Variants in CCND3 observed in about 807,000 individuals in gnomAD.
CCND3 encodes the protein cyclin D3.
A neutral mutation model predicts 28.7 loss-of-function variants in CCND3; 9 were observed. That is an observed-to-expected ratio of 0.31 (90% CI 0.19 to 0.55). CCND3 has a LOEUF of 0.55. Ranked by LOEUF, CCND3 falls within the 20% of genes least tolerant of loss-of-function variation. The pLI is 0.93. For synonymous variants in CCND3, 164 were observed against 163.9 expected, an observed-to-expected ratio of 1.00 and a Z score of 0.00; for missense variants, 315 against 385.8, an observed-to-expected ratio of 0.82 and a Z score of 1.54.
intron 1 of CCND3, among the ~76,000 whole-genome samples, chr6:41,996,122 T>TATAA: frequency 1.8e-5 from 1 of 55,420 alleles, no homozygotes; most frequent in East Asian, 4.8e-4. Flanking sequence ...TATATATATA[T>TATAA]AATATATATA....
chr6:42,014,330 T>C (rs1763432983), intron 1 of CCND3, among the ~76,000 whole-genome samples: 1 of 152,116 alleles, frequency 6.6e-6, no homozygotes, highest in Non-Finnish European at 1.5e-5. Context: ...ATGGCGCCAC[T>C]GCACTCCAGC....
At chr6:42,028,188 G>C (rs1763938085) in intron 1 of CCND3, among the ~76,000 whole-genome samples, 1 of 152,238 alleles carries the variant, frequency 6.6e-6, no homozygotes, top group Non-Finnish European at 1.5e-5. Context: ...CTAAGCATGG[G>C]AATACGGAGG....
intron 2 of CCND3, 128 bp from the exon 3 acceptor site, chr6:41,937,522 T>G (rs1775847098): frequency 8.8e-7 from 1 of 1,138,658 alleles, no homozygotes; most frequent in Non-Finnish European, 1.2e-6. Context: ...CAGTTCTGTT[T>G]CTGATTTTAA....
rs566777571 is a variant in CCND3, at chr6:42,043,222, CA to C, written c.-46+5278del. ...CAGCCTGGGCAACAGGGTGAAACTG[CA>C]AAACACTATCTCTACAAAAAACTAG... On this transcript the variant is annotated intron_variant, in intron 1 of 4. Coordinates refer to the CCND3 transcript ENST00000372988. Among the ~76,000 whole-genome samples the C allele has an allele frequency of 9.2e-4, 140 of 152,264 alleles. No individual in the cohort carries two copies. The South Asian group carries it at 0.012, about 13-fold the overall frequency.
At chr6:41,970,743 G>A (rs139633563) in intron 1 of CCND3, among the ~76,000 whole-genome samples, 2,038 of 152,310 alleles carry the variant, frequency 0.013, 28 homozygotes, top group Middle Eastern at 0.048. Flanking sequence ...AAAGTCGAAT[G>A]GGTGCCCAAC....
chr6:42,024,607 AGGCT>A (rs1390691140), intron 1 of CCND3, among the ~76,000 whole-genome samples: 3 of 152,038 alleles, frequency 2.0e-5, no homozygotes, highest in African/African-American at 7.2e-5. Context: ...TGACATTGCG[AGGCT>A]GGGGCCACTC....
chr6:41,937,365 G>A lies in CCND3; in HGVS notation c.444C>T (p.Leu148=). ...CAATCACAGCAGCCAGGTCCCACTTGAGCTTCCCTAGGACCAGCACCTCCC... is the reference window on the plus strand; with the variant it reads ...CAATCACAGCAGCCAGGTCCCACTTAAGCTTCCCTAGGACCAGCACCTCCC... ...RDWEVLVLGK[L]KWDLAAVIAH... is the part of the protein sequence containing the mutation. Residue 148 remains leucine (L), a synonymous_variant, in exon 3 of 5, where the codon CTC becomes CTT. Transcript: ENST00000372991. 3 of 1,614,128 alleles carry A rather than the reference G, an allele frequency of 1.9e-6. No homozygotes were observed. The highest frequency in any genetic ancestry group is 2.5e-6 in the Non-Finnish European group (3 of 1,180,020).
chr6:42,022,192 A>G lies in CCND3; in HGVS notation c.-46+26309T>C, dbSNP rs144703702. On this transcript the variant is annotated intron_variant, in intron 1 of 4. Transcript: ENST00000372988. ...AGAGATCCACGATCATCTTGCCAGG[A>G]AACAGTTCCAAGGATCCGAATCCAA... Among the ~76,000 whole-genome samples, 271 of 152,306 alleles carry G rather than the reference A, an allele frequency of 1.8e-3. 1 individual carries two copies. Among genetic ancestry groups the G allele is most frequent in the Non-Finnish European group, 3.1e-3 (209 of 68,024 alleles).
At chr6:42,025,057 C>CA (rs780264391) in intron 1 of CCND3, among the ~76,000 whole-genome samples, 2 of 151,980 alleles carry the variant, frequency 1.3e-5, no homozygotes, top group East Asian at 1.9e-4. Flanking sequence ...GACTCCATCT[C>CA]AAAAAATAAA....
At chr6:41,996,419 G>C (rs1483460855) in intron 1 of CCND3, among the ~76,000 whole-genome samples, 1 of 151,564 alleles carries the variant, frequency 6.6e-6, no homozygotes, top group Non-Finnish European at 1.5e-5. Flanking sequence ...CAAAGTGCTG[G>C]GATTACAGGT....
chr6:41,993,084 G>T (rs1234805408), intron 1 of CCND3, among the ~76,000 whole-genome samples: 2 of 152,056 alleles, frequency 1.3e-5, no homozygotes, highest in African/African-American at 4.8e-5. Context: ...AAAATGTTTT[G>T]TAGAGACAGG....
chr6:41,941,838 A>G, upstream of CCND3: 4 of 276,986 alleles, frequency 1.4e-5, no homozygotes, highest in Non-Finnish European at 2.7e-5. The surrounding 1 kb of genome is among the most constrained non-coding windows in gnomAD (Gnocchi z 6.1). Context: ...ACGATGTAGC[A>G]ACCGTGGAAT....
At chr6:42,035,929 G>C (rs970403560) in intron 1 of CCND3, among the ~76,000 whole-genome samples, 1 of 151,826 alleles carries the variant, frequency 6.6e-6, no homozygotes. Context: ...CCCCACCTCG[G>C]CCTCCCAAAG....
At position 42,039,633 on chromosome 6, in the gene CCND3, CAGCTGGAGGAAA is replaced by C. The variant is rs554745197; in HGVS notation, c.-46+8856_-46+8867del. Among the ~76,000 whole-genome samples the C allele has an allele frequency of 9.8e-5, 15 of 152,350 alleles. No individual in the cohort carries two copies. The East Asian group carries it at 2.5e-3, about 26-fold the overall frequency. On this transcript the variant is annotated intron_variant, in intron 1 of 4. Coordinates refer to the CCND3 transcript ENST00000372988. ...GGAAAGGAAAATGAGCATTGAAGGG[CAGCTGGAGGAAA>C]AGCTTGTTTGCACCATTGCCGCAGT...
At chr6:41,997,244 T>C (rs1762835734) in intron 1 of CCND3, among the ~76,000 whole-genome samples, 1 of 152,208 alleles carries the variant, frequency 6.6e-6, no homozygotes, top group South Asian at 2.1e-4. Flanking sequence ...ACCCATGTCA[T>C]AATGCACCTT....
chr6:42,038,411 G>A (rs1764286690), intron 1 of CCND3, among the ~76,000 whole-genome samples: 1 of 151,928 alleles, frequency 6.6e-6, no homozygotes, highest in Admixed American at 6.6e-5. Context: ...GTGGTGGCTT[G>A]TGCCTGTGGT....
chr6:42,045,432 A>G (rs770386196), intron 1 of CCND3, among the ~76,000 whole-genome samples: 8 of 152,230 alleles, frequency 5.3e-5, no homozygotes, highest in Non-Finnish European at 5.9e-5. Flanking sequence ...GTGAATAAAT[A>G]TTAAATGAGA....
At chr6:41,979,151 G>A (rs9381105) in intron 1 of CCND3, among the ~76,000 whole-genome samples, 26,337 of 109,264 alleles carry the variant, frequency 0.24, 2,754 homozygotes, top group Middle Eastern at 0.4. Flanking sequence ...AGCCTGGGCA[G>A]TAAGAGCAAA....
chr6:42,006,502 A>G (rs1763178526), intron 1 of CCND3, among the ~76,000 whole-genome samples: 1 of 152,120 alleles, frequency 6.6e-6, no homozygotes, highest in Non-Finnish European at 1.5e-5. Flanking sequence ...CTCTAGCAAA[A>G]CACAAAACAA....
Sources: allele counts gnomAD v4.1 joint callset (sites outside exome capture counted in the v4.1 genomes callset), GRCh38; gene constraint gnomAD v4.1.1; non-coding constraint Gnocchi (gnomAD v3.1); transcripts MANE v1.5; gene names NCBI Gene and HGNC (gene_info 2026-07-23, HGNC 2026-07-21).